Variants in PDZD7 observed in about 807,000 individuals in gnomAD.
The protein encoded by PDZD7 is PDZ domain-containing protein 7.
Under a neutral mutation model 84.7 loss-of-function variants are expected in PDZD7, and 72 were observed. The observed-to-expected ratio is 0.85, with a 90% CI of 0.70 to 1.03. The LOEUF (loss-of-function observed/expected upper bound fraction) is 1.03, where lower values mean the gene tolerates loss of function less well. Among genes scored for constraint, PDZD7 ranks in the 50% least tolerant of loss-of-function variants. PDZD7 has a pLI of 0.00. For missense variants in PDZD7, 1,490 were observed against 1,412.9 expected, an observed-to-expected ratio of 1.05 and a Z score of -0.87; for synonymous variants, 594 against 580.7, an observed-to-expected ratio of 1.02 and a Z score of -0.33.
At chr10:101,027,623 C>T (rs185495292) in intron 2 of PDZD7, among the ~76,000 whole-genome samples, 337 of 152,284 alleles carry the variant, frequency 2.2e-3, no homozygotes, top group African/African-American at 7.6e-3. Flanking sequence ...TGAGCCTTCC[C>T]GGCAATTCTG....
chr10:101,011,916 A>G lies in PDZD7; in HGVS notation c.1933+9T>C. 1 of 1,549,446 alleles carries G rather than the reference A, an allele frequency of 6.5e-7. No individual in the cohort carries two copies. Among genetic ancestry groups the G allele is most frequent in the Non-Finnish European group, 8.7e-7 (1 of 1,146,792 alleles). On this transcript the variant is annotated intron_variant, in intron 13 of 16. Coordinates refer to ENST00000619208, the MANE Select transcript of PDZD7 (RefSeq NM_001195263.2). ...TCAGGACCCAGAAGCCCCGCCCCCCACTGCTGACCTGCCCTGCTCTTGAGG... is the reference window on the plus strand; with the variant it reads ...TCAGGACCCAGAAGCCCCGCCCCCCGCTGCTGACCTGCCCTGCTCTTGAGG...
rs779213162 is a variant in PDZD7, at chr10:101,023,204, C to T, written c.542+232G>A. On this transcript the variant is annotated intron_variant, in intron 4 of 16. Coordinates refer to ENST00000619208, the MANE Select transcript of PDZD7 (RefSeq NM_001195263.2). Reference sequence around the variant, plus strand: ...CCTCTGGGTTTCACAGCAGGAGCAGCGGCAATGTGGCAGCAGAACCACTGG... The same window carrying T: ...CCTCTGGGTTTCACAGCAGGAGCAGTGGCAATGTGGCAGCAGAACCACTGG... 1.8e-4 allele frequency: 102 copies of T among 578,528 alleles called. No individual in the cohort carries two copies. The Middle Eastern group carries it at 3.2e-3, about 18-fold the overall frequency. The allele number at this position is 578,528 out of a possible 1,614,324, so 35.8% of individuals were successfully genotyped here.
chr10:101,010,560 GGCTGCGGCTA>G lies in PDZD7; in HGVS notation c.2319_2328del (p.Ser774ValfsTer31), dbSNP rs753591187. ...CTGCTGCGGCTGCGGCTGCGGCTAC[GGCTGCGGCTA>G]CGGCTCTGAGCCCGGCCCCGGATCT... is the stretch of plus-strand genomic sequence containing the variant. On this transcript the variant is annotated frameshift_variant, in exon 15 of 17. Coordinates refer to ENST00000619208, the MANE Select transcript of PDZD7 (RefSeq NM_001195263.2). LOFTEE classifies it high-confidence loss of function. 1,314 of 1,492,044 alleles carry G rather than the reference GGCTGCGGCTA, an allele frequency of 8.8e-4. 2 individuals are homozygous for G. The highest frequency in any genetic ancestry group is 1.1e-3 in the Non-Finnish European group (1,217 of 1,110,288). The allele number at this position is 1,492,044 out of a possible 1,614,324, so 92.4% of individuals were successfully genotyped here.
intron 14 of PDZD7, chr10:101,011,333 G>T: frequency 2.3e-6 from 1 of 431,698 alleles, no homozygotes; most frequent in Non-Finnish European, 3.7e-6. Context: ...GAGCCACCGC[G>T]CCCGGCCTAG....
rs757934531 is a variant in PDZD7 at position 101,030,161 on chromosome 10, C to G, written c.59G>C (p.Gly20Ala). 3.1e-6 allele frequency: 5 copies of G among 1,613,836 alleles called. No individual in the cohort carries two copies. Among genetic ancestry groups the G allele is most frequent in the Non-Finnish European group, 4.2e-6 (5 of 1,179,980 alleles). Residue 20 changes from glycine (G) to alanine (A), a missense_variant, in exon 2 of 17, where the codon GGC becomes GCC. Transcript: ENST00000619208. Reference sequence around the variant, plus strand: ...TCGGGAGGAGAGGGAGCTCAGAGAGCCGGAGCTCAGGTCTCCTAGGCCCAG... The same window carrying G: ...TCGGGAGGAGAGGGAGCTCAGAGAGGCGGAGCTCAGGTCTCCTAGGCCCAG... ...DPLGLGDLSS[G>A]SLSSLSSRGH...
intron 4 of PDZD7, among the ~76,000 whole-genome samples, chr10:101,022,681 A>G (rs1200176492): frequency 6.6e-6 from 1 of 150,462 alleles, no homozygotes; most frequent in African/African-American, 2.5e-5. Context: ...CTGCAGCCTC[A>G]ACCTCCTGGG....
intron 15 of PDZD7, 85 bp downstream of exon 15, chr10:101,010,187 G>T: frequency 2.1e-6 from 3 of 1,429,556 alleles, no homozygotes; most frequent in Non-Finnish European, 2.8e-6. Flanking sequence ...GAGCCTCTGC[G>T]CCTGGCCCAA....
At chr10:101,029,574 G>A (rs1248677724) in intron 2 of PDZD7, among the ~76,000 whole-genome samples, 1 of 152,208 alleles carries the variant, frequency 6.6e-6, no homozygotes, top group African/African-American at 2.4e-5. Context: ...GCCCAGCACA[G>A]AGCTTGTCAC....
At chr10:101,020,544 T>C in intron 7 of PDZD7, 74 bp downstream of exon 7, 1 of 1,419,248 alleles carries the variant, frequency 7.0e-7, no homozygotes, top group South Asian at 1.2e-5. Context: ...GGCCCTTTTC[T>C]TCTTCAGAGA....
At chr10:101,021,423 G>A (rs1317391048) in intron 6 of PDZD7, among the ~76,000 whole-genome samples, 3 of 152,090 alleles carry the variant, frequency 2.0e-5, no homozygotes, top group Admixed American at 6.5e-5. Flanking sequence ...CCTCCTAGCT[G>A]TATGCCCTGG....
chr10:101,010,553 C>G lies in PDZD7; in HGVS notation c.2336G>C (p.Arg779Pro). 3.4e-6 allele frequency: 5 copies of G among 1,491,558 alleles called. No homozygotes were observed. Among genetic ancestry groups the G allele is most frequent in the Non-Finnish European group, 4.5e-6 (5 of 1,109,236 alleles). The allele number at this position is 1,491,558 out of a possible 1,614,324, so 92.4% of individuals were successfully genotyped here. A position where few individuals can be genotyped will look rare whatever the true frequency, so the allele number is the denominator to read the frequency against. The part of the protein sequence containing the change: ...RAQSRSRSRS[R>P]SRSRSSRGQG... ...ACCCCGGCTGCTGCGGCTGCGGCTG[C>G]GGCTACGGCTGCGGCTACGGCTCTG... The change falls in exon 15 of 17, where the codon CGC becomes CCC. Residue 779 changes from arginine (R) to proline (P), a missense_variant. Coordinates refer to ENST00000619208, the MANE Select transcript of PDZD7 (RefSeq NM_001195263.2).
At chr10:101,020,090 G>A (rs1400222316) in intron 7 of PDZD7, among the ~76,000 whole-genome samples, 1 of 151,122 alleles carries the variant, frequency 6.6e-6, no homozygotes, top group African/African-American at 2.4e-5. Context: ...CACCACTCCA[G>A]TTAATTTTTA....
intron 16 of PDZD7, 83 bp downstream of exon 16, chr10:101,009,167 T>C (rs1852311457): frequency 1.6e-6 from 2 of 1,274,264 alleles, no homozygotes; most frequent in African/African-American, 3.0e-5. Context: ...CATGTCTGGC[T>C]GGAAGCTGAG....
In PDZD7 at chr10:101,019,132, G is replaced by A; in HGVS notation, c.1014C>T (p.Ser338=). 6.5e-7 allele frequency: 1 copy of A among 1,546,372 alleles called. No individual in the cohort carries two copies. The highest frequency in any genetic ancestry group is 8.7e-7 in the Non-Finnish European group (1 of 1,152,258). ...VSSCASSAPY[S]SGSLPSDRMD... is the part of the protein sequence containing the mutation. ...TGCGGTCCGACGGCAGGGAGCCCGAGCTGTAGGGGGCGCTGGAGGCGCACG... is the reference window on the plus strand; with the variant it reads ...TGCGGTCCGACGGCAGGGAGCCCGAACTGTAGGGGGCGCTGGAGGCGCACG... Residue 338 remains serine, a synonymous_variant, in exon 8 of 17, where the codon AGC becomes AGT. Coordinates refer to ENST00000619208, the MANE Select transcript of PDZD7 (RefSeq NM_001195263.2).
At chr10:101,029,250 G>T (rs1937902901) in intron 2 of PDZD7, among the ~76,000 whole-genome samples, 1 of 152,134 alleles carries the variant, frequency 6.6e-6, no homozygotes, top group Admixed American at 6.5e-5. Flanking sequence ...TCCAGCCTTT[G>T]TTGGTGACAG....
chr10:101,023,971 G>A lies in PDZD7; in HGVS notation c.324C>T (p.Gly108=), dbSNP rs147133210. The change falls in exon 3 of 17, where the codon GGC becomes GGT. Residue 108 remains glycine (G), a synonymous_variant. Coordinates refer to ENST00000619208, the MANE Select transcript of PDZD7 (RefSeq NM_001195263.2). The part of the protein sequence containing the change: ...GFSVRGGSEH[G]LGIFVSKVEE... ...CCACTTTGCTGACGAAGATGCCCAG[G>A]CCATGCTCTGAGCCCCCGCGCACGC... The A allele has an allele frequency of 1.8e-4, 283 of 1,614,222 alleles. 1 individual carries two copies. The African/African-American group carries it at 3.1e-3, about 17-fold the overall frequency.
intron 2 of PDZD7, among the ~76,000 whole-genome samples, chr10:101,029,359 A>G (rs1220522474): frequency 1.5e-5 from 2 of 135,786 alleles, no homozygotes; most frequent in Non-Finnish European, 3.2e-5. Context: ...GGTCCCTTGT[A>G]ACACCTCCCC....
intron 7 of PDZD7, among the ~76,000 whole-genome samples, chr10:101,020,071 G>A (rs1184734477): frequency 1.3e-5 from 2 of 151,316 alleles, no homozygotes; most frequent in Non-Finnish European, 2.9e-5. Context: ...ACAGACCACA[G>A]GCCCTCACCA....
At chr10:101,030,851 C>G in intron 1 of PDZD7, 1 of 161,634 alleles carries the variant, frequency 6.2e-6, no homozygotes, top group South Asian at 1.5e-4. Flanking sequence ...CCCAGGAAGA[C>G]CCCCAGACAC....
Sources: allele counts gnomAD v4.1 joint callset (sites outside exome capture counted in the v4.1 genomes callset), GRCh38; gene constraint gnomAD v4.1.1; transcripts MANE v1.5; gene names NCBI Gene and HGNC (gene_info 2026-07-23, HGNC 2026-07-21).